ZFP69B: variants seen among roughly 807,000 people sequenced by gnomAD.
The protein encoded by ZFP69B is zinc finger protein 69 homolog B.
A neutral mutation model predicts 19.7 loss-of-function variants in ZFP69B; 20 were observed. That is an observed-to-expected ratio of 1.02 (90% CI 0.71 to 1.48). ZFP69B has a LOEUF of 1.48. Ranked by LOEUF, ZFP69B falls within the 40% of genes most tolerant of loss-of-function variation. The probability of loss-of-function intolerance (pLI) is 0.00; values close to 1 mark genes in which losing one functional copy is unlikely to be tolerated. For missense variants in ZFP69B, 583 were observed against 632.6 expected (o/e 0.92, Z 0.84); for synonymous variants, 220 against 222.7 (o/e 0.99, Z 0.11).
chr1:40,457,072 G>A lies in ZFP69B; in HGVS notation c.340+1G>A, dbSNP rs1645240269. The A allele has an allele frequency of 6.3e-7, 1 of 1,596,682 alleles. No homozygotes were observed. Among genetic ancestry groups the A allele is most frequent in the Non-Finnish European group, 8.5e-7 (1 of 1,173,988 alleles). On this transcript the variant is annotated splice_donor_variant, in intron 3 of 4. Coordinates refer to ENST00000361584, the MANE Select transcript of ZFP69B (RefSeq NM_023070.3). LOFTEE classifies it high-confidence loss of function. ...AACTATGGGAACCTGGTCTCAGTGGGTAAGGATGGGCTCCTCTTGAAAATA... is the reference window on the plus strand; with the variant it reads ...AACTATGGGAACCTGGTCTCAGTGGATAAGGATGGGCTCCTCTTGAAAATA...
rs143377630 is a variant in ZFP69B at position 40,462,816 on chromosome 1, A to T, written c.832A>T (p.Thr278Ser). The change falls in exon 5 of 5, where the codon ACC (threonine) becomes TCC (serine). Residue 278 changes from threonine (T) to serine (S), a missense_variant. Transcript: ENST00000361584. Reference protein sequence around the residue: ...NHSRSYTKMKTFECNICEKIF... With the variant: ...NHSRSYTKMKSFECNICEKIF... ...TTCAAGGAGTTATACAAAAATGAAA[A>T]CCTTTGAGTGTAATATTTGTGAAAA... is the stretch of plus-strand genomic sequence containing the variant. 1.9e-6 allele frequency: 3 copies of T among 1,613,412 alleles called. No individual in the cohort carries two copies. Among genetic ancestry groups the T allele is most frequent in the Non-Finnish European group, 8.5e-7 (1 of 1,179,870 alleles).
chr1:40,462,359 C>T (rs1044718690), intron 4 of ZFP69B, 62 bp from the exon 5 acceptor site: 78 of 1,457,494 alleles, frequency 5.4e-5, no homozygotes, highest in East Asian at 1.6e-4. Flanking sequence ...CCATTCTCAC[C>T]GTGGCAATTA....
chr1:40,451,550 C>T (rs1250918830), intron 1 of ZFP69B, among the ~76,000 whole-genome samples: 1 of 151,354 alleles, frequency 6.6e-6, no homozygotes, highest in African/African-American at 2.4e-5. Flanking sequence ...AAGGGTCTCT[C>T]ACTCGACAGA....
At chr1:40,457,233 T>G in intron 3 of ZFP69B, 111 bp from the exon 4 acceptor site, 1 of 1,480,108 alleles carries the variant, frequency 6.8e-7, no homozygotes, top group Non-Finnish European at 9.3e-7. Flanking sequence ...CTCTGTTCTT[T>G]CTACTCTACT....
At chr1:40,454,421 C>T (rs574173551) in intron 2 of ZFP69B, 133 bp downstream of exon 2, 46 of 588,830 alleles carry the variant, frequency 7.8e-5, no homozygotes, top group Non-Finnish European at 1.0e-4. Flanking sequence ...TTTTTTGAGA[C>T]GGAGTCTCAC....
intron 4 of ZFP69B, among the ~76,000 whole-genome samples, chr1:40,458,399 G>A (rs1261741679): frequency 2.0e-5 from 3 of 151,812 alleles, no homozygotes; most frequent in Non-Finnish European, 4.4e-5. Context: ...GTCAGGATAG[G>A]CTAAACTACT....
intron 1 of ZFP69B, among the ~76,000 whole-genome samples, chr1:40,451,935 G>A (rs995288303): frequency 9.2e-5 from 14 of 151,980 alleles, no homozygotes; most frequent in African/African-American, 3.4e-4. Flanking sequence ...GACCAGCCTG[G>A]CCAACATGAT....
Position 40,463,268 on chromosome 1 carries a change from C to A in ZFP69B, c.1284C>A (p.Phe428Leu), listed in dbSNP as rs774650239. The change falls in exon 5 of 5, where the codon TTC becomes TTA. Residue 428 changes from phenylalanine to leucine, a missense_variant. By Grantham distance (22) the Phe-to-Leu change is conservative. Transcript: ENST00000361584. Reference protein sequence around the residue: ...PYICNVCSKTFSHSTYLTQHQ... With the variant: ...PYICNVCSKTLSHSTYLTQHQ... Reference sequence around the variant, plus strand: ...TTTGTAATGTATGTAGTAAAACCTTCAGCCATAGTACATACCTAACTCAAC... The same window carrying A: ...TTTGTAATGTATGTAGTAAAACCTTAAGCCATAGTACATACCTAACTCAAC... 1.2e-6 allele frequency: 2 copies of A among 1,614,160 alleles called. No homozygotes were observed. Among genetic ancestry groups the A allele is most frequent in the Admixed American group, 3.3e-5 (2 of 60,028 alleles).
rs1427414545 is a variant in ZFP69B at position 40,450,917 on chromosome 1, A to G, written c.-45A>G. 1.5e-5 allele frequency: 22 copies of G among 1,489,004 alleles called. No individual in the cohort carries two copies. Among genetic ancestry groups the G allele is most frequent in the African/African-American group, 4.3e-5 (3 of 70,262 alleles). The allele number at this position is 1,489,004 out of a possible 1,614,324, so 92.2% of individuals were successfully genotyped here. A position where few individuals can be genotyped will look rare whatever the true frequency, so the allele number is the denominator to read the frequency against. On this transcript the variant is annotated 5_prime_UTR_variant, in exon 1 of 5. The change abolishes an upstream ATG in the 5' untranslated region. Coordinates refer to ENST00000361584, the MANE Select transcript of ZFP69B (RefSeq NM_023070.3). ...TCCTCATCAGAGGTGGACAAGCCCT[A>G]TGGGCTAAGACAGAGGGTCCTCAGA...
chr1:40,462,646 G>C lies in ZFP69B; in HGVS notation c.662G>C (p.Arg221Thr), dbSNP rs143573677. ...TGCAAGAAAACATTCACTCAGGAGA[G>C]AGGCCAAGAGTCTAATAGATTTGAG... ...LMCKKTFTQE[R>T]GQESNRFEKR... Residue 221 changes from arginine (R) to threonine (T), a missense_variant, in exon 5 of 5, where the codon AGA becomes ACA. Coordinates refer to ENST00000361584, the MANE Select transcript of ZFP69B (RefSeq NM_023070.3). 1.6e-4 allele frequency: 260 copies of C among 1,614,102 alleles called. No homozygotes were observed. The African/African-American group carries it at 3.0e-3, about 19-fold the overall frequency.
Position 40,463,558 on chromosome 1 carries a change from A to G in ZFP69B, c.1574A>G (p.His525Arg), listed in dbSNP as rs534099021. ...TCCCTTATTAGACACTGCAAAACAC[A>G]TTTAAGAAATACCTTCAGCAATGTT... Reference protein sequence around the residue: ...SSSLIRHCKTHLRNTFSNVV With the variant: ...SSSLIRHCKTRLRNTFSNVV Residue 525 changes from histidine (H) to arginine (R), a missense_variant, in exon 5 of 5, where the codon CAT becomes CGT. Transcript: ENST00000361584. 1.9e-6 allele frequency: 3 copies of G among 1,610,808 alleles called. No homozygotes were observed. Among genetic ancestry groups the G allele is most frequent in the Non-Finnish European group, 2.5e-6 (3 of 1,178,368 alleles).
At chr1:40,460,172 C>T (rs1377950055) in intron 4 of ZFP69B, among the ~76,000 whole-genome samples, 3 of 152,120 alleles carry the variant, frequency 2.0e-5, no homozygotes, top group African/African-American at 7.2e-5. Flanking sequence ...ATCAATTTCC[C>T]TAGTAAAGCC....
In ZFP69B at chr1:40,457,017, C is replaced by G. The variant is rs201338663; in HGVS notation, c.286C>G (p.Arg96Gly). The G allele has an allele frequency of 1.2e-6, 2 of 1,613,528 alleles. No individual in the cohort carries two copies. Among genetic ancestry groups the G allele is most frequent in the Non-Finnish European group, 1.7e-6 (2 of 1,179,766 alleles). ...GTGGGGGCAGCTGGCCCCTGCTCAC[C>G]GGAATCTGTACCGGGAGGTGATGCT... ...EEWGQLAPAH[R>G]NLYREVMLEN... The change falls in exon 3 of 5, where the codon CGG becomes GGG. Residue 96 changes from arginine (R) to glycine (G), a missense_variant. Arg to Gly is a moderately radical substitution (Grantham distance 125, BLOSUM62 -2). Transcript: ENST00000361584.
At chr1:40,462,397 C>T (rs779270806) in intron 4 of ZFP69B, 24 bp from the exon 5 acceptor site, 1 of 1,525,856 alleles carries the variant, frequency 6.6e-7, no homozygotes, top group Non-Finnish European at 8.8e-7. Context: ...GAATATGGAT[C>T]TTTTTTTTTA....
intron 2 of ZFP69B, among the ~76,000 whole-genome samples, chr1:40,455,346 C>T (rs1324021061): frequency 6.6e-6 from 1 of 152,104 alleles, no homozygotes; most frequent in Non-Finnish European, 1.5e-5. Flanking sequence ...GATCTTGGCT[C>T]CCAAAATCAC....
intron 1 of ZFP69B, among the ~76,000 whole-genome samples, chr1:40,453,367 T>A (rs963238172): frequency 6.6e-6 from 1 of 152,118 alleles, no homozygotes; most frequent in Non-Finnish European, 1.5e-5. Flanking sequence ...ATGAGCAAGG[T>A]ACAGTTTCTA....
chr1:40,454,853 A>ATG (rs142443549), intron 2 of ZFP69B, among the ~76,000 whole-genome samples: 193 of 152,284 alleles, frequency 1.3e-3, no homozygotes, highest in African/African-American at 4.5e-3. Flanking sequence ...CTGAGGCCGC[A>ATG]TGTGTGTGTG....
chr1:40,463,706 T>C lies in ZFP69B; in HGVS notation c.*117T>C. 1.1e-6 allele frequency: 1 copy of C among 937,468 alleles called. No homozygotes were observed. Among genetic ancestry groups the C allele is most frequent in the Non-Finnish European group, 1.6e-6 (1 of 642,830 alleles). The allele number at this position is 937,468 out of a possible 1,614,324, so 58.1% of individuals were successfully genotyped here. ...TCCAAAAACGAACATTAAAAAAAAATGGTTTGGCACAATGTTCCCAACTCT... is the reference window on the plus strand; with the variant it reads ...TCCAAAAACGAACATTAAAAAAAAACGGTTTGGCACAATGTTCCCAACTCT... On this transcript the variant is annotated 3_prime_UTR_variant, in exon 5 of 5. Transcript: ENST00000361584.
intron 4 of ZFP69B, among the ~76,000 whole-genome samples, chr1:40,461,342 G>T (rs1569986313): frequency 1.3e-5 from 2 of 152,228 alleles, no homozygotes; most frequent in Middle Eastern, 3.4e-3. Context: ...CCCAGTTAGG[G>T]AGATGCTATC....
Sources: allele counts gnomAD v4.1 joint callset (sites outside exome capture counted in the v4.1 genomes callset), GRCh38; gene constraint gnomAD v4.1.1; transcripts MANE v1.5; gene names NCBI Gene and HGNC (gene_info 2026-07-23, HGNC 2026-07-21).